Variants in FAM133B observed in about 807,000 individuals in gnomAD.
The protein encoded by FAM133B is protein FAM133B.
In FAM133B, 25 loss-of-function variants were observed where a neutral mutation model predicts 46.4. The observed-to-expected ratio is 0.54, with a 90% CI of 0.39 to 0.75. FAM133B has a LOEUF of 0.75. Ranked by LOEUF, FAM133B falls within the 30% of genes least tolerant of loss-of-function variation. The probability of loss-of-function intolerance (pLI) is 0.00; values close to 1 mark genes in which losing one functional copy is unlikely to be tolerated. For missense variants in FAM133B, 205 were observed against 277.6 expected (o/e 0.74, Z 1.86); for synonymous variants, 75 against 86.0 (o/e 0.87, Z 0.71).
At chr7:92,571,270 T>C (rs916480539) in intron 8 of FAM133B, among the ~76,000 whole-genome samples, 1 of 152,210 alleles carries the variant, frequency 6.6e-6, no homozygotes, top group African/African-American at 2.4e-5. Flanking sequence ...TCTCAGGCTC[T>C]TTATCAATCG....
At chr7:92,585,247 G>A (rs1795007620) in intron 1 of FAM133B, 1 of 394,526 alleles carries the variant, frequency 2.5e-6, no homozygotes, top group South Asian at 1.1e-4. Flanking sequence ...AGGTCACCAG[G>A]ATGTAGAACA....
chr7:92,578,912 A>T (rs1300821853), intron 3 of FAM133B, among the ~76,000 whole-genome samples: 4 of 152,044 alleles, frequency 2.6e-5, no homozygotes, highest in Non-Finnish European at 5.9e-5. Context: ...AGCTGGGCAT[A>T]GTGGCCTGCA....
rs906865440 is a variant in FAM133B, at chr7:92,590,370, C to T, written c.-79G>A. 4.4e-6 allele frequency: 7 copies of T among 1,600,254 alleles called. No homozygotes were observed. The highest frequency in any genetic ancestry group is 2.7e-5 in the African/African-American group (2 of 74,496). On this transcript the variant is annotated 5_prime_UTR_variant, in exon 1 of 11. Coordinates refer to ENST00000445716, the MANE Select transcript of FAM133B (RefSeq NM_152789.4). ...TGCCGAAGAGGGCCTGCCGCAGGTCCTCTTGCCGCCTCCCCACTCCGCCTA... is the reference window on the plus strand; with the variant it reads ...TGCCGAAGAGGGCCTGCCGCAGGTCTTCTTGCCGCCTCCCCACTCCGCCTA...
rs183237829 is a variant in FAM133B, at chr7:92,581,039, G to A, written c.122+467C>T. On this transcript the variant is annotated intron_variant, in intron 2 of 10. Transcript: ENST00000445716. ...GTCTCAGGAGTAAGGTATTAATAAC[G>A]AGGAAGACATACTAAAGAATAACAT... Among the ~76,000 whole-genome samples, 8 of 152,288 alleles carry A rather than the reference G, an allele frequency of 5.3e-5. No individual in the cohort carries two copies. In the East Asian group the frequency reaches 9.6e-4, roughly 18 times the overall value.
chr7:92,567,891 G>A (rs1794409910), intron 9 of FAM133B, among the ~76,000 whole-genome samples: 1 of 151,748 alleles, frequency 6.6e-6, no homozygotes, highest in Non-Finnish European at 1.5e-5. Context: ...AGCCTCCTGA[G>A]TAGCTGGGAT....
intron 10 of FAM133B, among the ~76,000 whole-genome samples, chr7:92,565,096 C>T (rs141779017): frequency 2.3e-4 from 35 of 150,856 alleles, no homozygotes; most frequent in African/African-American, 6.3e-4. Flanking sequence ...TTTGGTCTCT[C>T]GTATTTCATA....
rs751991903 is a variant in FAM133B at position 92,580,021 on chromosome 7, GT to G, written c.123-627del. 2.2e-4 allele frequency among the ~76,000 whole-genome samples: 34 copies of G among 152,224 alleles called. 1 individual carries two copies. Among genetic ancestry groups the G allele is most frequent in the Middle Eastern group, 3.4e-3 (1 of 294 alleles). ...AGAGCAGATCATTGTTCCTAAAACT[GT>G]TTGTACAAACAATGTAGTTCAAGCT... On this transcript the variant is annotated intron_variant, in intron 2 of 10. Coordinates refer to ENST00000445716, the MANE Select transcript of FAM133B (RefSeq NM_152789.4).
chr7:92,582,774 A>C (rs1195950068), intron 1 of FAM133B, among the ~76,000 whole-genome samples: 3 of 152,258 alleles, frequency 2.0e-5, no homozygotes, highest in Non-Finnish European at 4.4e-5. Context: ...ATGTAAATTG[A>C]AACAACAAAG....
At chr7:92,579,188 C>T in intron 3 of FAM133B, 129 bp downstream of exon 3, 1 of 681,762 alleles carries the variant, frequency 1.5e-6, no homozygotes, top group South Asian at 1.8e-5. Context: ...GGGGGCCTTA[C>T]TTTGTTGCCC....
chr7:92,565,800 A>C (rs755231973), intron 10 of FAM133B: 1 of 575,488 alleles, frequency 1.7e-6, no homozygotes, highest in Non-Finnish European at 3.1e-6. Flanking sequence ...ACTGAAATGG[A>C]AACAGGACAT....
intron 1 of FAM133B, among the ~76,000 whole-genome samples, chr7:92,587,392 T>C (rs960342298): frequency 2.0e-5 from 3 of 151,520 alleles, no homozygotes; most frequent in African/African-American, 7.3e-5. Flanking sequence ...GGGACAGGGG[T>C]GGTAGAGGAA....
At chr7:92,580,523 T>C (rs1211134574) in intron 2 of FAM133B, among the ~76,000 whole-genome samples, 3 of 152,230 alleles carry the variant, frequency 2.0e-5, no homozygotes, top group African/African-American at 7.2e-5. Context: ...AACTCCTTAC[T>C]AAGGGCATTA....
At chr7:92,588,606 T>C (rs181184482) in intron 1 of FAM133B, among the ~76,000 whole-genome samples, 1 of 152,308 alleles carries the variant, frequency 6.6e-6, no homozygotes, top group African/African-American at 2.4e-5. Context: ...TACAAAGTTT[T>C]TAAGATGGTG....
intron 8 of FAM133B, 150 bp from the exon 9 acceptor site, chr7:92,570,065 G>A (rs1794481740): frequency 2.5e-6 from 1 of 396,334 alleles, no homozygotes; most frequent in Non-Finnish European, 4.6e-6. Flanking sequence ...CAGGATTTAA[G>A]TCTTTAATTC....
chr7:92,575,933 C>T (rs949774872), intron 7 of FAM133B, 112 bp from the exon 8 acceptor site: 1 of 457,776 alleles, frequency 2.2e-6, no homozygotes, highest in Non-Finnish European at 4.1e-6. Flanking sequence ...AAGGCTACTC[C>T]AATCCCAGTA....
chr7:92,590,078 T>C, intron 1 of FAM133B, 190 bp downstream of exon 1: 1 of 712,470 alleles, frequency 1.4e-6, no homozygotes, highest in Non-Finnish European at 2.3e-6. Context: ...AAGAGAGAGC[T>C]GGGAACCCTA....
At chr7:92,580,707 A>G (rs1273722784) in intron 2 of FAM133B, among the ~76,000 whole-genome samples, 1 of 152,196 alleles carries the variant, frequency 6.6e-6, no homozygotes, top group Non-Finnish European at 1.5e-5. Context: ...AGTCCCTACG[A>G]GTTACTCAAC....
intron 8 of FAM133B, among the ~76,000 whole-genome samples, chr7:92,571,107 T>C (rs1794514527): frequency 6.6e-6 from 1 of 152,148 alleles, no homozygotes; most frequent in South Asian, 2.1e-4. Flanking sequence ...AAAGTTGAAA[T>C]AGAATGAAGT....
intron 10 of FAM133B, among the ~76,000 whole-genome samples, chr7:92,564,958 T>TG (rs1366972767): frequency 6.6e-6 from 1 of 152,214 alleles, no homozygotes; most frequent in East Asian, 1.9e-4. Flanking sequence ...TCTTTATTAA[T>TG]GAGTCATTTA....
Sources: allele counts gnomAD v4.1 joint callset (sites outside exome capture counted in the v4.1 genomes callset), GRCh38; gene constraint gnomAD v4.1.1; transcripts MANE v1.5; gene names NCBI Gene and HGNC (gene_info 2026-07-23, HGNC 2026-07-21).